CHD7: variants seen among roughly 807,000 people sequenced by gnomAD.
CHD7 encodes ATP-dependent chromatin remodeler CHD7.
A neutral mutation model predicts 307.3 loss-of-function variants in CHD7; 24 were observed. The ratio of observed to expected loss-of-function variants is 0.08; its 90% CI spans 0.06 to 0.11. The LOEUF is 0.11. CHD7 is among the 10% of genes least tolerant of loss of function. The pLI is 1.00. For missense variants in CHD7, 3,106 were observed against 3,727.1 expected (o/e 0.83, Z 4.34); for synonymous variants, 1,363 against 1,349.9 (o/e 1.01, Z -0.21).
chr8:60,712,449 A>G (rs1807327110), intron 1 of CHD7, among the ~76,000 whole-genome samples: 1 of 152,200 alleles, frequency 6.6e-6, no homozygotes, highest in South Asian at 2.1e-4. Flanking sequence ...TAACATGTAA[A>G]AGTAGACACG....
intron 32 of CHD7, among the ~76,000 whole-genome samples, chr8:60,855,730 G>A (rs1011334619): frequency 1.3e-5 from 2 of 152,208 alleles, no homozygotes; most frequent in East Asian, 1.9e-4. Context: ...TTCAGTGTTC[G>A]TAATTAAAAA....
intron 1 of CHD7, among the ~76,000 whole-genome samples, chr8:60,723,139 C>T (rs1035619878): frequency 4.0e-5 from 6 of 151,650 alleles, no homozygotes; most frequent in African/African-American, 1.5e-4. Context: ...AATATTACCA[C>T]CTATCTAATC....
intron 2 of CHD7, among the ~76,000 whole-genome samples, chr8:60,752,743 T>C (rs1381864552): frequency 6.6e-6 from 1 of 152,158 alleles, no homozygotes; most frequent in East Asian, 1.9e-4. Flanking sequence ...AATAGAAAAT[T>C]GTGGGATTTT....
chr8:60,851,990 A>G (rs769146709), intron 28 of CHD7, 29 bp from the exon 29 acceptor site: 4 of 1,508,504 alleles, frequency 2.7e-6, no homozygotes, highest in African/African-American at 1.4e-5. Flanking sequence ...GCAGCTACAC[A>G]TTTCAAAAAT....
At chr8:60,724,147 T>A (rs1250372477) in intron 1 of CHD7, among the ~76,000 whole-genome samples, 2 of 152,072 alleles carry the variant, frequency 1.3e-5, no homozygotes, top group East Asian at 3.8e-4. Context: ...TCTGGGGAGG[T>A]AGTTCGTCGG....
chr8:60,838,021 G>T (rs1329018542), intron 18 of CHD7, 55 bp from the exon 19 acceptor site: 71 of 1,363,256 alleles, frequency 5.2e-5, no homozygotes, highest in Non-Finnish European at 6.2e-5. Flanking sequence ...TGTTTAGTCT[G>T]CAAACCTCTT....
chr8:60,717,410 G>A lies in CHD7; in HGVS notation c.-174-23849G>A, dbSNP rs76897470. Among the ~76,000 whole-genome samples the A allele has an allele frequency of 6.9e-3, 1,050 of 152,262 alleles. 10 individuals carry two copies. Among genetic ancestry groups the A allele is most frequent in the Non-Finnish European group, 0.01 (711 of 67,998 alleles). On this transcript the variant is annotated intron_variant, in intron 1 of 37. Transcript: ENST00000423902. ...CATTTCAGAGTATTTCTAGCACTAT[G>A]TATTTTGTTTATCTAGAGAGAAAGT...
At chr8:60,756,911 A>T (rs967456883) in intron 2 of CHD7, among the ~76,000 whole-genome samples, 1 of 152,232 alleles carries the variant, frequency 6.6e-6, no homozygotes, top group African/African-American at 2.4e-5. Context: ...GCTTAATTTT[A>T]TGTTACATGA....
intron 2 of CHD7, among the ~76,000 whole-genome samples, chr8:60,775,835 G>A (rs901550295): frequency 3.3e-5 from 5 of 152,150 alleles, no homozygotes; most frequent in African/African-American, 9.7e-5. Flanking sequence ...TCGGCTCACC[G>A]CAACCTCCAA....
At chr8:60,848,751 C>T (rs753455060) in intron 24 of CHD7, 147 bp downstream of exon 24, 1 of 713,448 alleles carries the variant, frequency 1.4e-6, no homozygotes, top group Non-Finnish European at 2.5e-6. Flanking sequence ...GTCCTTCGTG[C>T]TTGGGGATGT....
At chr8:60,743,185 G>GA in intron 2 of CHD7, 88 bp downstream of exon 2, 1 of 1,173,888 alleles carries the variant, frequency 8.5e-7, no homozygotes, top group Non-Finnish European at 1.2e-6. Context: ...TAAACTCTAT[G>GA]AAAAGCTTTT....
chr8:60,781,980 T>G (rs539204343), intron 3 of CHD7, among the ~76,000 whole-genome samples: 132 of 152,322 alleles, frequency 8.7e-4, no homozygotes, highest in Admixed American at 4.8e-3. Context: ...AGCATGAATT[T>G]TAGGTTCTAG....
At chr8:60,819,983 C>CT (rs748282026) in intron 8 of CHD7, 24 bp from the exon 9 acceptor site, 6,457 of 1,255,784 alleles carry the variant, frequency 5.1e-3, no homozygotes, top group Non-Finnish European at 6.1e-3. Flanking sequence ...AAACCTTTAA[C>CT]TTTTTTTTTT....
chr8:60,680,039 G>C (rs1338370114), intron 1 of CHD7, among the ~76,000 whole-genome samples: 3 of 151,614 alleles, frequency 2.0e-5, no homozygotes, highest in African/African-American at 7.2e-5. Context: ...CGAGCTGGCC[G>C]GGCCGCCGGC....
In CHD7 at chr8:60,838,148, G is replaced by A; in HGVS notation, c.4426G>A (p.Glu1476Lys). The A allele has an allele frequency of 6.4e-7, 1 of 1,568,310 alleles. No homozygotes were observed. Among genetic ancestry groups the A allele is most frequent in the South Asian group, 1.2e-5 (1 of 85,068 alleles). Residue 1476 changes from glutamate to lysine, a missense_variant, in exon 19 of 38, where the codon GAG becomes AAG. This residue lies in a region of CHD7 where 93 missense variants were observed against 176.4 expected (regional missense o/e 0.53). Transcript: ENST00000423902. The part of the protein sequence containing the change: ...KGAYGALMDE[E>K]DEGSKFCEED... Reference sequence around the variant, plus strand: ...GGCCTATGGTGCACTCATGGATGAGGAGGATGAAGGGTCTAAATTCTGTGA... The same window carrying A: ...GGCCTATGGTGCACTCATGGATGAGAAGGATGAAGGGTCTAAATTCTGTGA...
intron 3 of CHD7, among the ~76,000 whole-genome samples, chr8:60,786,520 A>G (rs1811498922): frequency 1.3e-5 from 2 of 152,140 alleles, no homozygotes; most frequent in Non-Finnish European, 1.5e-5. Flanking sequence ...TTTGGTTTAT[A>G]TGGGAGAAGG....
intron 1 of CHD7, among the ~76,000 whole-genome samples, chr8:60,726,541 G>A (rs181767177): frequency 2.0e-5 from 3 of 152,364 alleles, no homozygotes; most frequent in African/African-American, 7.2e-5. Flanking sequence ...GTGATCGTCT[G>A]CACTGAGTGC....
intron 7 of CHD7, among the ~76,000 whole-genome samples, chr8:60,816,107 CTGTCTG>C (rs1197718555): frequency 1.3e-4 from 9 of 71,140 alleles, no homozygotes; most frequent in African/African-American, 4.0e-4. Flanking sequence ...GTCTGTCTGT[CTGTCTG>C]TCTCTCTCTC....
chr8:60,737,095 G>A (rs1406856112), intron 1 of CHD7, among the ~76,000 whole-genome samples: 2 of 151,734 alleles, frequency 1.3e-5, no homozygotes, highest in Non-Finnish European at 2.9e-5. Context: ...CTTTCATCTT[G>A]GTTTCTTGCG....
Sources: allele counts gnomAD v4.1 joint callset (sites outside exome capture counted in the v4.1 genomes callset), GRCh38; gene constraint gnomAD v4.1.1; regional missense constraint gnomAD v4.1.1; transcripts MANE v1.5; gene names NCBI Gene and HGNC (gene_info 2026-07-23, HGNC 2026-07-21).